The following BMP7 variants were observed in gnomAD, a reference collection of about 807,000 sequenced individuals.
BMP7 encodes bone morphogenetic protein 7, also known as osteogenic protein 1.
In BMP7, 12 loss-of-function variants were observed where a neutral mutation model predicts 41.2. The observed-to-expected ratio is 0.29, with a 90% CI of 0.19 to 0.47. The LOEUF (loss-of-function observed/expected upper bound fraction) is 0.47, where lower values mean the gene tolerates loss of function less well. BMP7 is among the 20% of genes least tolerant of loss of function. BMP7 has a pLI of 0.99. For missense variants in BMP7, 467 were observed against 606.0 expected, an observed-to-expected ratio of 0.77 and a Z score of 2.41; for synonymous variants, 248 against 250.0, an observed-to-expected ratio of 0.99 and a Z score of 0.07.
chr20:57,265,086 C>G (rs1442684917), intron 1 of BMP7, among the ~76,000 whole-genome samples: 5 of 148,350 alleles, frequency 3.4e-5, no homozygotes, highest in African/African-American at 5.0e-5. Flanking sequence ...AAAAAATAAA[C>G]AAAGAAAGAA....
At chr20:57,200,320 C>T (rs531315341) in intron 3 of BMP7, among the ~76,000 whole-genome samples, 19 of 152,354 alleles carry the variant, frequency 1.2e-4, no homozygotes, top group African/African-American at 4.6e-4. Flanking sequence ...AGGATTTGAA[C>T]CTGGGGAGCC....
At chr20:57,234,100 G>A (rs6099506) in intron 1 of BMP7, among the ~76,000 whole-genome samples, 1 of 151,850 alleles carries the variant, frequency 6.6e-6, no homozygotes, top group Non-Finnish European at 1.5e-5. Flanking sequence ...CCCATCCCTC[G>A]TGTATCTGTC....
intron 3 of BMP7, among the ~76,000 whole-genome samples, chr20:57,191,122 G>T (rs1007840489): frequency 1.3e-5 from 2 of 152,208 alleles, no homozygotes; most frequent in Non-Finnish European, 2.9e-5. Flanking sequence ...AGTCATCGCA[G>T]CCGAGTCTGA....
chr20:57,216,897 C>G (rs1489770264), intron 2 of BMP7, among the ~76,000 whole-genome samples: 3 of 152,104 alleles, frequency 2.0e-5, no homozygotes, highest in Non-Finnish European at 4.4e-5. Context: ...GGCAGGGACC[C>G]CCGCCAGGAC....
intron 1 of BMP7, among the ~76,000 whole-genome samples, chr20:57,260,750 C>T (rs2066150804): frequency 6.6e-6 from 1 of 152,242 alleles, no homozygotes; most frequent in Admixed American, 6.5e-5. Flanking sequence ...ACAGGTCCCA[C>T]ACATCCCTGC....
At chr20:57,226,244 A>G (rs2066005685) in intron 2 of BMP7, among the ~76,000 whole-genome samples, 1 of 152,212 alleles carries the variant, frequency 6.6e-6, no homozygotes, top group Non-Finnish European at 1.5e-5. Flanking sequence ...GAGCTGCCGG[A>G]GCTGAGTGGA....
rs775359806 is a variant in BMP7 at position 57,202,551 on chromosome 20, G to A, written c.684C>T (p.Ile228=). 7 of 1,612,128 alleles carry A rather than the reference G, an allele frequency of 4.3e-6. No homozygotes were observed. Among genetic ancestry groups the A allele is most frequent in the Non-Finnish European group, 5.1e-6 (6 of 1,179,996 alleles). Residue 228 remains isoleucine (I), a synonymous_variant, in exon 3 of 7, where the codon ATC becomes ATT. Coordinates refer to ENST00000395863, the MANE Select transcript of BMP7 (RefSeq NM_001719.3). ...CCACCCAGTGGTTGCTGGTGGCTGTGATGTCAAACACCAGCCAGCCCTCCT... is the reference window on the plus strand; with the variant it reads ...CCACCCAGTGGTTGCTGGTGGCTGTAATGTCAAACACCAGCCAGCCCTCCT... The part of the protein sequence containing the change: ...ASEEGWLVFD[I]TATSNHWVVN...
chr20:57,247,965 T>C (rs1000336983), intron 1 of BMP7, among the ~76,000 whole-genome samples: 1 of 152,218 alleles, frequency 6.6e-6, no homozygotes, highest in Non-Finnish European at 1.5e-5. Flanking sequence ...AACAACTGGC[T>C]GTTGGCTAGA....
chr20:57,170,743 C>A lies in BMP7; in HGVS notation c.*216G>T. Reference sequence around the variant, plus strand: ...TTTTTTTCCTGCTAGGTTTTGCCTGCACAGCTTGTAGGATCTTGTTCATTG... The same window carrying A: ...TTTTTTTCCTGCTAGGTTTTGCCTGAACAGCTTGTAGGATCTTGTTCATTG... On this transcript the variant is annotated 3_prime_UTR_variant, in exon 7 of 7. Transcript: ENST00000395863. 3.2e-6 allele frequency: 2 copies of A among 618,042 alleles called. No homozygotes were observed. Among genetic ancestry groups the A allele is most frequent in the Non-Finnish European group, 5.5e-6 (2 of 362,180 alleles). 38.3% of individuals were successfully genotyped at this position (618,042 alleles called of 1,614,324 possible).
At chr20:57,225,882 G>C (rs758650276) in intron 2 of BMP7, 1 of 469,638 alleles carries the variant, frequency 2.1e-6, no homozygotes, top group Non-Finnish European at 4.4e-6. Context: ...CTGCTGGAAC[G>C]TGAGCTTCCA....
chr20:57,237,014 C>T (rs556330102), intron 1 of BMP7, among the ~76,000 whole-genome samples: 12 of 152,276 alleles, frequency 7.9e-5, no homozygotes, highest in Admixed American at 6.5e-5. Context: ...CTCTCACTGC[C>T]CCCAAAGATG....
intron 4 of BMP7, among the ~76,000 whole-genome samples, chr20:57,176,750 T>TCACTCACA (rs1555811501): frequency 7.4e-6 from 1 of 135,406 alleles, no homozygotes; most frequent in East Asian, 2.3e-4. Flanking sequence ...CATTCTCCAT[T>TCACTCACA]CACACACACA....
chr20:57,233,959 A>G (rs750960194), intron 1 of BMP7, among the ~76,000 whole-genome samples: 3 of 152,230 alleles, frequency 2.0e-5, no homozygotes, highest in Non-Finnish European at 4.4e-5. Context: ...GATACAGAAG[A>G]TATATTTCTC....
chr20:57,175,421 C>T (rs137855019), intron 4 of BMP7, among the ~76,000 whole-genome samples: 205 of 152,310 alleles, frequency 1.3e-3, no homozygotes, highest in African/African-American at 4.7e-3. Context: ...AACCTCAACT[C>T]GTGAGGCCCC....
intron 1 of BMP7, among the ~76,000 whole-genome samples, chr20:57,236,400 A>C (rs1208586664): frequency 6.6e-6 from 1 of 152,212 alleles, no homozygotes; most frequent in Non-Finnish European, 1.5e-5. Flanking sequence ...TGACCTGCAG[A>C]ATGTTCAACT....
In BMP7 at chr20:57,205,904, A is replaced by C. The variant is rs6099499; in HGVS notation, c.612-3281T>G. On this transcript the variant is annotated intron_variant, in intron 2 of 6. Coordinates refer to ENST00000395863, the MANE Select transcript of BMP7 (RefSeq NM_001719.3). ...GTCCCAGGCACACTTAGGAGAGCCA[A>C]ATCTTCATCAGAAGGCACTGGGAGA... 9.4e-3 allele frequency among the ~76,000 whole-genome samples: 1,426 copies of C among 152,302 alleles called. 21 individuals are homozygous for C. The highest frequency in any genetic ancestry group is 0.033 in the African/African-American group (1,365 of 41,566).
chr20:57,242,518 G>A (rs1013572134), intron 1 of BMP7, among the ~76,000 whole-genome samples: 4 of 152,156 alleles, frequency 2.6e-5, no homozygotes, highest in Admixed American at 2.6e-4. Context: ...ACTGTACCAT[G>A]TAAAAAGCTG....
At chr20:57,222,075 C>A (rs1985202082) in intron 2 of BMP7, among the ~76,000 whole-genome samples, 1 of 152,118 alleles carries the variant, frequency 6.6e-6, no homozygotes, top group African/African-American at 2.4e-5. Flanking sequence ...ACAAGAGGGG[C>A]AGGACTGACC....
chr20:57,200,945 G>A (rs1037312589), intron 3 of BMP7, among the ~76,000 whole-genome samples: 1 of 152,250 alleles, frequency 6.6e-6, no homozygotes. Context: ...CATCCCAGGA[G>A]AGCTGGGTAT....
Sources: allele counts gnomAD v4.1 joint callset (sites outside exome capture counted in the v4.1 genomes callset), GRCh38; gene constraint gnomAD v4.1.1; transcripts MANE v1.5; gene names NCBI Gene and HGNC (gene_info 2026-07-23, HGNC 2026-07-21).